The following MEGF11 variants were observed in gnomAD, a reference collection of about 807,000 sequenced individuals.
The protein encoded by MEGF11 is multiple epidermal growth factor-like domains protein 11.
Under a neutral mutation model 146.6 loss-of-function variants are expected in MEGF11, and 126 were observed. The ratio of observed to expected loss-of-function variants is 0.86; its 90% CI spans 0.74 to 1.00. MEGF11 has a LOEUF of 1.00. MEGF11 is among the 50% of genes least tolerant of loss of function. The pLI is 0.00. For synonymous variants in MEGF11, 532 were observed against 583.4 expected (o/e 0.91, Z 1.27); for missense variants, 1,509 against 1,521.2 (o/e 0.99, Z 0.13).
At chr15:65,967,836 G>A (rs1011547851) in intron 8 of MEGF11, among the ~76,000 whole-genome samples, 3 of 152,098 alleles carry the variant, frequency 2.0e-5, no homozygotes, top group Admixed American at 6.5e-5. Flanking sequence ...CAGAATAGTG[G>A]GGCAGCAGGG....
chr15:66,173,992 T>A (rs913443446), intron 1 of MEGF11, among the ~76,000 whole-genome samples: 5 of 152,214 alleles, frequency 3.3e-5, no homozygotes, highest in Non-Finnish European at 5.9e-5. Context: ...TGCTCCCATA[T>A]GTCCTCTGTC....
At chr15:66,087,723 G>T (rs2086166241) in intron 5 of MEGF11, among the ~76,000 whole-genome samples, 2 of 152,092 alleles carry the variant, frequency 1.3e-5, no homozygotes, top group African/African-American at 4.8e-5. Flanking sequence ...AAGTCTGAAA[G>T]AACACAAATA....
Position 65,919,733 on chromosome 15 carries a change from C to T in MEGF11, c.1958-1639G>A, listed in dbSNP as rs117217097. 6.3e-3 allele frequency among the ~76,000 whole-genome samples: 964 copies of T among 152,268 alleles called. 5 individuals are homozygous for T. The highest frequency in any genetic ancestry group is 0.011 in the Non-Finnish European group (721 of 68,018). ...GCAACCTTTTCCTCCCAGGTTCAAG[C>T]GATTCTCCTGCCTTAGCCTCCCCAG... On this transcript the variant is annotated intron_variant, in intron 15 of 25. Coordinates refer to ENST00000395614, the MANE Select transcript of MEGF11 (RefSeq NM_001385028.1).
In MEGF11 at chr15:66,103,874, C is replaced by T. The variant is rs530087096; in HGVS notation, c.302-9380G>A. 9.8e-5 allele frequency among the ~76,000 whole-genome samples: 15 copies of T among 152,340 alleles called. No homozygotes were observed. The East Asian group carries it at 2.1e-3, about 22-fold the overall frequency. On this transcript the variant is annotated intron_variant, in intron 4 of 25. Coordinates refer to ENST00000395614, the MANE Select transcript of MEGF11 (RefSeq NM_001385028.1). ...TTTACAGCACAGACCCCCAGCCAGA[C>T]GTAGGGGCCCATTCTTTTAAACTTA...
intron 5 of MEGF11, among the ~76,000 whole-genome samples, chr15:66,080,020 G>C (rs1379627055): frequency 6.6e-6 from 1 of 152,250 alleles, no homozygotes; most frequent in Admixed American, 6.5e-5. Context: ...GGCTTCCAGA[G>C]TGTCACCAAG....
intron 5 of MEGF11, among the ~76,000 whole-genome samples, chr15:66,007,505 C>A (rs903191546): frequency 6.6e-6 from 1 of 152,066 alleles, no homozygotes; most frequent in Non-Finnish European, 1.5e-5. Flanking sequence ...ATCCTAGTAC[C>A]CTGGGAGGCT....
chr15:66,123,767 G>C (rs1374627071), intron 3 of MEGF11, 132 bp downstream of exon 3: 6 of 698,994 alleles, frequency 8.6e-6, no homozygotes, highest in African/African-American at 7.0e-5. Context: ...GCCATCAGCA[G>C]AGCATCTTGG....
intron 5 of MEGF11, among the ~76,000 whole-genome samples, chr15:66,088,360 A>G (rs1241650033): frequency 6.6e-6 from 1 of 152,242 alleles, no homozygotes; most frequent in Non-Finnish European, 1.5e-5. Context: ...AGGAAAGGAC[A>G]TAACCAAATG....
intron 1 of MEGF11, among the ~76,000 whole-genome samples, chr15:66,207,793 G>T (rs956424474): frequency 6.6e-6 from 1 of 152,190 alleles, no homozygotes; most frequent in African/African-American, 2.4e-5. Flanking sequence ...GCATAAAGGA[G>T]AAGGAGAGGC....
intron 4 of MEGF11, among the ~76,000 whole-genome samples, chr15:66,100,890 G>A (rs539678357): frequency 1.7e-4 from 26 of 150,282 alleles, no homozygotes; most frequent in African/African-American, 5.4e-4. Context: ...GTGAGTGAGC[G>A]AGCGTGTGGG....
At chr15:66,011,576 G>A (rs554579858) in intron 5 of MEGF11, among the ~76,000 whole-genome samples, 3 of 152,172 alleles carry the variant, frequency 2.0e-5, no homozygotes, top group African/African-American at 7.2e-5. Context: ...CGGGCAAGTC[G>A]CGTAACTCCT....
At chr15:65,935,200 G>A (rs770068) in intron 10 of MEGF11, among the ~76,000 whole-genome samples, 1 of 151,818 alleles carries the variant, frequency 6.6e-6, no homozygotes, top group African/African-American at 2.4e-5. Flanking sequence ...CACACCTGTA[G>A]TCCCAGCTAC....
chr15:65,947,514 G>T (rs2080243007), intron 10 of MEGF11, among the ~76,000 whole-genome samples: 1 of 152,140 alleles, frequency 6.6e-6, no homozygotes, highest in South Asian at 2.1e-4. Context: ...CACCCTACAG[G>T]GTTGTTGTGA....
chr15:65,914,361 A>G (rs552338585), intron 19 of MEGF11, among the ~76,000 whole-genome samples: 8 of 152,332 alleles, frequency 5.3e-5, no homozygotes, highest in African/African-American at 1.9e-4. Flanking sequence ...ATAACCTATA[A>G]TTGGCGGAGT....
chr15:65,966,631 C>A (rs974969206), intron 8 of MEGF11, among the ~76,000 whole-genome samples: 1 of 152,130 alleles, frequency 6.6e-6, no homozygotes, highest in East Asian at 1.9e-4. Context: ...AGAAGGTCCC[C>A]TCAAGGTAGG....
chr15:66,024,417 G>C (rs2140195937), intron 5 of MEGF11, among the ~76,000 whole-genome samples: 1 of 152,346 alleles, frequency 6.6e-6, no homozygotes, highest in East Asian at 1.9e-4. Flanking sequence ...ACTGAGGCTT[G>C]GAAAGAAATG....
At chr15:65,955,814 A>ACACACACACACAC (rs1290763810) in intron 10 of MEGF11, among the ~76,000 whole-genome samples, 4 of 94,998 alleles carry the variant, frequency 4.2e-5, no homozygotes, top group Non-Finnish European at 6.1e-5. Context: ...ACACACACAC[A>ACACACACACACAC]ATACTTTAAA....
At chr15:66,009,349 G>A (rs1006153953) in intron 5 of MEGF11, among the ~76,000 whole-genome samples, 7 of 151,838 alleles carry the variant, frequency 4.6e-5, no homozygotes, top group Non-Finnish European at 1.0e-4. Context: ...GGGGTGGGGA[G>A]GGTGCAGGGG....
intron 4 of MEGF11, among the ~76,000 whole-genome samples, chr15:66,107,865 C>A (rs1225875861): frequency 2.0e-5 from 3 of 152,290 alleles, no homozygotes; most frequent in Admixed American, 1.3e-4. Flanking sequence ...AGGGGTCCCA[C>A]ATTCTGGGCC....
Sources: allele counts gnomAD v4.1 joint callset (sites outside exome capture counted in the v4.1 genomes callset), GRCh38; gene constraint gnomAD v4.1.1; transcripts MANE v1.5; gene names NCBI Gene and HGNC (gene_info 2026-07-23, HGNC 2026-07-21).